CREBBP: variants seen among roughly 807,000 people sequenced by gnomAD.
The protein encoded by CREBBP is CREB-binding protein.
CREBBP carries 19 observed loss-of-function variants against 265.0 expected under a neutral mutation model. That is an observed-to-expected ratio of 0.07 (90% CI 0.05 to 0.11). The LOEUF (loss-of-function observed/expected upper bound fraction) is 0.11, where lower values mean the gene tolerates loss of function less well. Among genes scored for constraint, CREBBP ranks in the 10% least tolerant of loss-of-function variants. The probability of loss-of-function intolerance (pLI) is 1.00; values close to 1 mark genes in which losing one functional copy is unlikely to be tolerated. For synonymous variants in CREBBP, 1,457 were observed against 1,223.7 expected (o/e 1.19, Z -3.98); for missense variants, 2,525 against 3,219.0 (o/e 0.78, Z 5.22).
intron 1 of CREBBP, among the ~76,000 whole-genome samples, chr16:3,852,325 T>C (rs1288100594): frequency 6.6e-6 from 1 of 151,034 alleles, no homozygotes; most frequent in East Asian, 2.0e-4. Context: ...CCCACCACCA[T>C]GCCCGGCTAA....
At chr16:3,775,509 G>T (rs1056070682) in intron 11 of CREBBP, among the ~76,000 whole-genome samples, 2 of 152,178 alleles carry the variant, frequency 1.3e-5, no homozygotes, top group African/African-American at 4.8e-5. Flanking sequence ...CTGCCTTAGC[G>T]CTGCTGTAGT....
At chr16:3,825,256 A>G (rs1046630056) in intron 2 of CREBBP, among the ~76,000 whole-genome samples, 2 of 152,232 alleles carry the variant, frequency 1.3e-5, no homozygotes, top group African/African-American at 4.8e-5. Flanking sequence ...ATTACTTGGT[A>G]GAAAAACATG....
At chr16:3,799,285 C>A (rs1193887671) in intron 3 of CREBBP, among the ~76,000 whole-genome samples, 1 of 152,150 alleles carries the variant, frequency 6.6e-6, no homozygotes, top group Admixed American at 6.5e-5. Flanking sequence ...CTCAACTGTA[C>A]ACTTGAAGCA....
In CREBBP at chr16:3,849,452, T is replaced by TG. The variant is rs1567360794; in HGVS notation, c.798+844dup. ...GTGTGTGTGTGTGTGTGTGTGTGTG[T>TG]GTGTGTGTGTGTGTGTGTGTGTGTG... On this transcript the variant is annotated intron_variant, in intron 2 of 30. Transcript: ENST00000262367. Among the ~76,000 whole-genome samples the TG allele has an allele frequency of 1.2e-3, 88 of 76,260 alleles. 5 individuals are homozygous for TG. The highest frequency in any genetic ancestry group is 1.8e-3 in the Non-Finnish European group (59 of 32,416). The allele number at this position is 76,260 out of a possible 152,430, so 50.0% of individuals were successfully genotyped here.
At chr16:3,853,245 T>G (rs2054890491) in intron 1 of CREBBP, among the ~76,000 whole-genome samples, 1 of 152,176 alleles carries the variant, frequency 6.6e-6, no homozygotes, top group South Asian at 2.1e-4. Flanking sequence ...CTATGGGTGG[T>G]AAATGCTAAG....
chr16:3,786,947 C>T (rs1016328195), intron 5 of CREBBP, among the ~76,000 whole-genome samples: 7 of 152,054 alleles, frequency 4.6e-5, no homozygotes, highest in African/African-American at 1.7e-4. Context: ...GTGGCATGTG[C>T]CTGTAATCCC....
intron 5 of CREBBP, among the ~76,000 whole-genome samples, chr16:3,790,676 G>C (rs546022665): frequency 2.0e-3 from 304 of 152,230 alleles, no homozygotes; most frequent in African/African-American, 6.9e-3. Flanking sequence ...AAGGAAACTC[G>C]TTGTGGTTCT....
intron 2 of CREBBP, among the ~76,000 whole-genome samples, chr16:3,831,672 G>A (rs1483918596): frequency 1.3e-5 from 2 of 152,126 alleles, no homozygotes; most frequent in Non-Finnish European, 2.9e-5. Context: ...GAGCACACCA[G>A]ACATTATTAT....
chr16:3,736,498 C>G, intron 27 of CREBBP, 152 bp downstream of exon 27: 1 of 1,162,042 alleles, frequency 8.6e-7, no homozygotes, highest in Admixed American at 1.9e-5. Flanking sequence ...GAAGAAAATG[C>G]TTCTAAGTTC....
intron 2 of CREBBP, among the ~76,000 whole-genome samples, chr16:3,835,981 T>C (rs2054440845): frequency 6.6e-6 from 1 of 151,970 alleles, no homozygotes; most frequent in South Asian, 2.1e-4. Context: ...CAGAATACCA[T>C]TTAGCAATAA....
At chr16:3,812,363 G>C (rs997105016) in intron 2 of CREBBP, among the ~76,000 whole-genome samples, 1 of 151,846 alleles carries the variant, frequency 6.6e-6, no homozygotes, top group Non-Finnish European at 1.5e-5. Flanking sequence ...ATTTTTAGTA[G>C]AGACAAAGTT....
chr16:3,731,888 G>C lies in CREBBP; in HGVS notation c.4778C>G (p.Thr1593Ser), dbSNP rs777680039. The change falls in exon 29 of 31, where the codon ACC becomes AGC. Residue 1593 changes from threonine (T) to serine (S), a missense_variant. By Grantham distance (58) the Thr-to-Ser change is moderately conservative. Transcript: ENST00000262367. The surrounding 1 kb of genome is among the most constrained non-coding windows in gnomAD (Gnocchi z 7.7). ...KNAKKKNNKKTNKNKSSISRA... is the reference protein window; with the variant it reads ...KNAKKKNNKKSNKNKSSISRA... ...GCTGATGCTGCTTTTGTTCTTGTTG[G>C]TTTTCTTGTTGTTCTTCTTCTTGGC... 3.7e-6 allele frequency: 6 copies of C among 1,614,130 alleles called. No homozygotes were observed. The highest frequency in any genetic ancestry group is 5.1e-6 in the Non-Finnish European group (6 of 1,180,056).
chr16:3,759,588 C>CAAAAAACAAAAAAAAAAAAAAAAAAAA (rs2052664016), intron 16 of CREBBP, among the ~76,000 whole-genome samples: 1 of 129,464 alleles, frequency 7.7e-6, no homozygotes, highest in African/African-American at 3.7e-5. Flanking sequence ...ACTCTGTCTC[C>CAAAAAACAAAAAAAAAAAAAAAAAAAA]AAAAAAAAAA....
rs1301703268 is a variant in CREBBP, at chr16:3,751,708, T to C, written c.3779+18A>G. 3 of 1,612,872 alleles carry C rather than the reference T, an allele frequency of 1.9e-6. No individual in the cohort carries two copies. Among genetic ancestry groups the C allele is most frequent in the Non-Finnish European group, 2.5e-6 (3 of 1,179,000 alleles). On this transcript the variant is annotated intron_variant, in intron 20 of 30. Transcript: ENST00000262367. Reference sequence around the variant, plus strand: ...TCACCCTCCCTCACCCCAGAGAAAATGACAGGACGGTACTTACGTCTGGGG... The same window carrying C: ...TCACCCTCCCTCACCCCAGAGAAAACGACAGGACGGTACTTACGTCTGGGG...
chr16:3,801,575 CA>C (rs1364339114), intron 3 of CREBBP, among the ~76,000 whole-genome samples: 1 of 152,020 alleles, frequency 6.6e-6, no homozygotes. Context: ...GAGGCTGAGG[CA>C]AAAGAATCGC....
At chr16:3,779,343 T>C (rs978923765) in intron 8 of CREBBP, among the ~76,000 whole-genome samples, 1 of 151,942 alleles carries the variant, frequency 6.6e-6, no homozygotes, top group Admixed American at 6.6e-5. Context: ...CCTGGCTAAT[T>C]TTTAAATTTT....
At chr16:3,795,480 T>C (rs2053590531) in intron 3 of CREBBP, among the ~76,000 whole-genome samples, 1 of 152,206 alleles carries the variant, frequency 6.6e-6, no homozygotes, top group Non-Finnish European at 1.5e-5. Flanking sequence ...GTTTTTTCCA[T>C]GTTCTGCCCC....
intron 2 of CREBBP, among the ~76,000 whole-genome samples, chr16:3,814,854 G>T (rs1596992741): frequency 1.3e-5 from 2 of 152,160 alleles, no homozygotes; most frequent in African/African-American, 4.8e-5. Context: ...GGAGGTTAGG[G>T]TTCAAATCTC....
At chr16:3,834,342 T>G (rs2054400603) in intron 2 of CREBBP, among the ~76,000 whole-genome samples, 1 of 152,154 alleles carries the variant, frequency 6.6e-6, no homozygotes, top group Non-Finnish European at 1.5e-5. Flanking sequence ...TGCCAAAACT[T>G]GGAAGCAACC....
Sources: allele counts gnomAD v4.1 joint callset (sites outside exome capture counted in the v4.1 genomes callset), GRCh38; gene constraint gnomAD v4.1.1; non-coding constraint Gnocchi (gnomAD v3.1); transcripts MANE v1.5; gene names NCBI Gene and HGNC (gene_info 2026-07-23, HGNC 2026-07-21).